Variants in NXPE2 observed in about 807,000 individuals in gnomAD.
NXPE2 encodes the protein neurexophilin and PC-esterase domain family member 2.
A neutral mutation model predicts 34.4 loss-of-function variants in NXPE2; 34 were observed. That is an observed-to-expected ratio of 0.99 (90% confidence interval 0.75 to 1.31). The LOEUF is 1.31. NXPE2 is among the 40% of genes most tolerant of loss of function. NXPE2 has a pLI of 0.00. For missense variants in NXPE2, 649 were observed against 672.5 expected (o/e 0.97, Z 0.39); for synonymous variants, 235 against 231.3 (o/e 1.02, Z -0.15).
chr11:114,738,123 C>T, the NXPE2 span, among the ~76,000 whole-genome samples: 1 of 152,218 alleles, frequency 6.6e-6, no homozygotes, highest in South Asian at 2.1e-4. Context: ...CATGGCTCCC[C>T]ACTTCTCAGT....
rs557921458 is a variant in NXPE2 at position 114,703,319 on chromosome 11, A to G, written c.867-672A>G. 3.9e-5 allele frequency among the ~76,000 whole-genome samples: 6 copies of G among 152,290 alleles called. 1 individual carries two copies. In the South Asian group the frequency reaches 6.2e-4, roughly 16 times the overall value. ...TAGGGTTTGTATTTAGGTGGGATAA[A>G]CCAAAAGGGCAGAAAGATAGTATTA... On this transcript the variant is annotated intron_variant, in intron 3 of 5. Coordinates refer to ENST00000389586, the MANE Select transcript of NXPE2 (RefSeq NM_182495.6).
At chr11:114,611,860 T>G in the NXPE2 span, among the ~76,000 whole-genome samples, 1 of 151,982 alleles carries the variant, frequency 6.6e-6, no homozygotes, top group Non-Finnish European at 1.5e-5. Flanking sequence ...AAACCACTGT[T>G]ACCTGGTGTA....
chr11:114,704,604 T>C (rs747560148), intron 4 of NXPE2, among the ~76,000 whole-genome samples: 5 of 152,340 alleles, frequency 3.3e-5, no homozygotes, highest in Admixed American at 6.5e-5. Flanking sequence ...AAAATTAAAG[T>C]AAAGCAAAGG....
intron 3 of NXPE2, among the ~76,000 whole-genome samples, chr11:114,699,221 T>G (rs1033965954): frequency 8.5e-5 from 13 of 152,146 alleles, no homozygotes; most frequent in Non-Finnish European, 1.5e-4. Context: ...AACTATCTCC[T>G]GAACCCAGCC....
the NXPE2 span, chr11:114,553,947 G>A: frequency 1.6e-4 from 160 of 985,240 alleles, no homozygotes; most frequent in Non-Finnish European, 1.9e-4. Context: ...TGGGAGAGCA[G>A]GTTTGTCAGT....
the NXPE2 span, among the ~76,000 whole-genome samples, chr11:114,635,830 G>C: frequency 6.6e-6 from 1 of 152,034 alleles, no homozygotes; most frequent in East Asian, 1.9e-4. Flanking sequence ...TGATCATGGT[G>C]GATAAGCTTT....
At chr11:114,778,110 G>C in the NXPE2 span, among the ~76,000 whole-genome samples, 2 of 152,174 alleles carry the variant, frequency 1.3e-5, no homozygotes, top group Non-Finnish European at 2.9e-5. Flanking sequence ...GGAGGCAGGG[G>C]AAATGGTGTC....
the NXPE2 span, among the ~76,000 whole-genome samples, chr11:114,786,626 G>T: frequency 6.6e-6 from 1 of 152,154 alleles, no homozygotes; most frequent in Non-Finnish European, 1.5e-5. Flanking sequence ...AATTATTGTG[G>T]ATTCCAGGTG....
chr11:114,642,950 G>A, the NXPE2 span, among the ~76,000 whole-genome samples: 10 of 151,988 alleles, frequency 6.6e-5, no homozygotes, highest in African/African-American at 1.4e-4. Context: ...TTTAATGATC[G>A]CCATTCTAAC....
the NXPE2 span, among the ~76,000 whole-genome samples, chr11:114,776,335 C>G: frequency 6.6e-6 from 1 of 152,254 alleles, no homozygotes; most frequent in Non-Finnish European, 1.5e-5. Context: ...ACCTGCCAAG[C>G]CTGTTTCCAC....
the NXPE2 span, among the ~76,000 whole-genome samples, chr11:114,631,593 C>A: frequency 1.1e-3 from 161 of 151,806 alleles, 1 homozygote; most frequent in African/African-American, 3.8e-3. Context: ...TTAGTGGGTG[C>A]AGCGCACCAG....
the NXPE2 span, chr11:114,583,437 A>C: frequency 1.5e-6 from 1 of 668,840 alleles, no homozygotes; most frequent in Non-Finnish European, 2.8e-6. Flanking sequence ...GCCAATGCTG[A>C]GGAGATGACC....
chr11:114,812,835 T>A, the NXPE2 span, among the ~76,000 whole-genome samples: 1 of 151,954 alleles, frequency 6.6e-6, no homozygotes, highest in African/African-American at 2.4e-5. Context: ...GGGAAAAAAA[T>A]AGATGCACTT....
the NXPE2 span, chr11:114,551,027 A>G: frequency 5.4e-6 from 4 of 741,002 alleles, no homozygotes; most frequent in Admixed American, 4.2e-5. Context: ...GGACTAATGG[A>G]GTGGGACTGA....
At chr11:114,486,708 G>A in the NXPE2 span, among the ~76,000 whole-genome samples, 4 of 152,180 alleles carry the variant, frequency 2.6e-5, no homozygotes, top group African/African-American at 9.6e-5. Context: ...TCATTTTTCT[G>A]CATATGGATA....
chr11:114,639,740 A>C, the NXPE2 span, among the ~76,000 whole-genome samples: 1 of 130,788 alleles, frequency 7.6e-6, no homozygotes, highest in Non-Finnish European at 1.6e-5. Flanking sequence ...AATATAAAAT[A>C]ATATATAATA....
the NXPE2 span, chr11:114,582,476 T>C: frequency 1.9e-6 from 3 of 1,614,166 alleles, no homozygotes; most frequent in Non-Finnish European, 2.5e-6. Flanking sequence ...CAGAGTGGAC[T>C]TGGGAAGTGC....
chr11:114,715,968 C>T, the NXPE2 span, among the ~76,000 whole-genome samples: 119 of 152,286 alleles, frequency 7.8e-4, no homozygotes, highest in African/African-American at 2.8e-3. Flanking sequence ...TTGGGTGATG[C>T]CCAGGAATCT....
chr11:114,591,520 A>G, the NXPE2 span, among the ~76,000 whole-genome samples: 4 of 152,242 alleles, frequency 2.6e-5, no homozygotes, highest in South Asian at 2.1e-4. Context: ...GCCTCATGAC[A>G]TCAACTTGAA....
Sources: gnomAD v4.1 joint callset for allele counts (sites outside exome capture counted in the v4.1 genomes callset) on GRCh38, gnomAD v4.1.1 for gene constraint, MANE v1.5 for transcripts, NCBI Gene and HGNC (gene_info 2026-07-23, HGNC 2026-07-21) for gene names.